The following KCNH8 variants were observed in gnomAD, a reference collection of about 807,000 sequenced individuals.
KCNH8 encodes the protein potassium voltage-gated channel subfamily H member 8, also known as voltage-gated delayed rectifier potassium channel KCNH8.
KCNH8 carries 70 observed loss-of-function variants against 103.6 expected under a neutral mutation model. The observed-to-expected ratio is 0.68, with a 90% CI of 0.56 to 0.82. KCNH8 has a LOEUF of 0.82. Among genes scored for constraint, KCNH8 ranks in the 40% least tolerant of loss-of-function variants. The pLI is 0.00. For synonymous variants in KCNH8, 498 were observed against 489.4 expected (o/e 1.02, Z -0.23); for missense variants, 1,217 against 1,329.9 (o/e 0.92, Z 1.32).
intron 11 of KCNH8, among the ~76,000 whole-genome samples, chr3:19,473,027 TA>T (rs1217202960): frequency 1.3e-5 from 2 of 152,220 alleles, no homozygotes; most frequent in African/African-American, 2.4e-5. Flanking sequence ...GAGTTCGGAT[TA>T]TTTTTTGGCT....
intron 11 of KCNH8, among the ~76,000 whole-genome samples, chr3:19,498,726 C>A (rs1285596881): frequency 2.6e-5 from 4 of 152,094 alleles, no homozygotes; most frequent in Admixed American, 6.6e-5. Context: ...TACTTTTGGT[C>A]TTTGATGATG....
intron 1 of KCNH8, among the ~76,000 whole-genome samples, chr3:19,228,277 G>C (rs111889198): frequency 2.0e-5 from 3 of 152,262 alleles, no homozygotes; most frequent in African/African-American, 7.2e-5. Context: ...TATGAATGTT[G>C]AGTATTTGTG....
At position 19,419,198 on chromosome 3, in the gene KCNH8, T is replaced by G. The variant is rs1370902111; in HGVS notation, c.1178-18966T>G. Among the ~76,000 whole-genome samples, 29 of 133,058 alleles carry G rather than the reference T, an allele frequency of 2.2e-4. 1 individual carries two copies. Among genetic ancestry groups the G allele is most frequent in the Non-Finnish European group, 9.5e-5 (6 of 63,208 alleles). The allele number at this position is 133,058 out of a possible 152,430, so 87.3% of individuals were successfully genotyped here. ...AGAAGTAATTAAAATGGTTTTGGTT[T>G]TTTTTTTTTTTTTTTTTTTGAGACG... On this transcript the variant is annotated intron_variant, in intron 7 of 15. Coordinates refer to ENST00000328405, the MANE Select transcript of KCNH8 (RefSeq NM_144633.3).
intron 14 of KCNH8, among the ~76,000 whole-genome samples, chr3:19,516,504 G>A (rs959626571): frequency 1.3e-5 from 2 of 152,012 alleles, no homozygotes; most frequent in Admixed American, 6.6e-5. Flanking sequence ...AAGGAGCAAA[G>A]AAATCATAGT....
At chr3:19,214,313 G>A (rs144199884) in intron 1 of KCNH8, among the ~76,000 whole-genome samples, 14 of 152,206 alleles carry the variant, frequency 9.2e-5, no homozygotes, top group South Asian at 4.2e-4. Context: ...ATCTTTATCC[G>A]GATTGGATCC....
At chr3:19,316,261 C>G (rs561618856) in intron 3 of KCNH8, among the ~76,000 whole-genome samples, 1 of 151,920 alleles carries the variant, frequency 6.6e-6, no homozygotes, top group South Asian at 2.1e-4. Flanking sequence ...TTTTTAGCAG[C>G]ATCCCTGTTC....
At chr3:19,226,724 G>T (rs1299565342) in intron 1 of KCNH8, among the ~76,000 whole-genome samples, 3 of 152,046 alleles carry the variant, frequency 2.0e-5, no homozygotes, top group Non-Finnish European at 4.4e-5. Context: ...GCTAAGCTCA[G>T]TTGGGTGCCA....
chr3:19,245,407 G>A (rs939057779), intron 1 of KCNH8, among the ~76,000 whole-genome samples: 2 of 152,086 alleles, frequency 1.3e-5, no homozygotes, highest in Non-Finnish European at 2.9e-5. Context: ...CTCTGGCTTT[G>A]TTCTTTATGC....
chr3:19,188,495 T>A (rs2063523253), intron 1 of KCNH8, among the ~76,000 whole-genome samples: 1 of 152,058 alleles, frequency 6.6e-6, no homozygotes, highest in African/African-American at 2.4e-5. Flanking sequence ...GGTGATTATG[T>A]CCAGAGGGCC....
At position 19,189,196 on chromosome 3, in the gene KCNH8, G is replaced by A. The variant is rs116189456; in HGVS notation, c.76+40401G>A. Among the ~76,000 whole-genome samples the A allele has an allele frequency of 4.9e-3, 740 of 152,006 alleles. 4 individuals are homozygous for A. Among genetic ancestry groups the A allele is most frequent in the African/African-American group, 0.017 (703 of 41,460 alleles). On this transcript the variant is annotated intron_variant, in intron 1 of 15. Coordinates refer to ENST00000328405, the MANE Select transcript of KCNH8 (RefSeq NM_144633.3). ...GGCCAGAAAGGTAGTTTAAAAGCTG[G>A]CCAGCAAAAATCTAATTGTTCTTGA... is the stretch of plus-strand genomic sequence containing the variant.
chr3:19,255,319 A>C (rs1476567788), intron 2 of KCNH8, among the ~76,000 whole-genome samples: 1 of 152,288 alleles, frequency 6.6e-6, no homozygotes, highest in East Asian at 1.9e-4. Context: ...TAAGCAAACT[A>C]ATACGCATAT....
At chr3:19,387,565 C>T (rs954368994) in intron 5 of KCNH8, among the ~76,000 whole-genome samples, 2 of 152,002 alleles carry the variant, frequency 1.3e-5, no homozygotes, top group African/African-American at 2.4e-5. Context: ...AGTAGTTGTT[C>T]GCTTTGAAAT....
chr3:19,156,327 GATTTTTCTACTATATC>G (rs2063180854), intron 1 of KCNH8, among the ~76,000 whole-genome samples: 1 of 152,118 alleles, frequency 6.6e-6, no homozygotes, highest in Admixed American at 6.6e-5. Context: ...ATTAGCCTGT[GATTTTTCTACTATATC>G]ATACTGCCTC....
intron 3 of KCNH8, among the ~76,000 whole-genome samples, chr3:19,287,350 T>A (rs973850702): frequency 5.3e-5 from 8 of 152,088 alleles, no homozygotes; most frequent in Admixed American, 5.2e-4. Flanking sequence ...GTTTTTTAAT[T>A]GAAAGATTAC....
chr3:19,353,181 C>A (rs1559488631), intron 5 of KCNH8, among the ~76,000 whole-genome samples: 2 of 151,994 alleles, frequency 1.3e-5, no homozygotes, highest in African/African-American at 4.8e-5. Flanking sequence ...AAGGCTAAAC[C>A]AGGAAGAAGT....
At chr3:19,199,758 A>T (rs2063638384) in intron 1 of KCNH8, among the ~76,000 whole-genome samples, 1 of 151,916 alleles carries the variant, frequency 6.6e-6, no homozygotes, top group African/African-American at 2.4e-5. Context: ...TAAAATATGT[A>T]AATCACTGAG....
intron 7 of KCNH8, among the ~76,000 whole-genome samples, chr3:19,437,482 TATC>T (rs2067217095): frequency 6.6e-6 from 1 of 152,200 alleles, no homozygotes; most frequent in East Asian, 1.9e-4. Context: ...ATATACATAG[TATC>T]ATAAAACAGT....
rs571539575 is a variant in KCNH8 at position 19,505,538 on chromosome 3, C to A, written c.2041-4825C>A. 3.0e-4 allele frequency among the ~76,000 whole-genome samples: 46 copies of A among 152,230 alleles called. 3 individuals carry two copies. The South Asian group carries it at 9.3e-3, about 31-fold the overall frequency. On this transcript the variant is annotated intron_variant, in intron 11 of 15. Transcript: ENST00000328405. ...TTTCTACTGAAAGGTCTGCTGTTAA[C>A]CTCATGGGGTTCCCTTTGTAGGTGA...
chr3:19,161,647 G>A (rs559928241), intron 1 of KCNH8, among the ~76,000 whole-genome samples: 1 of 152,160 alleles, frequency 6.6e-6, no homozygotes, highest in Non-Finnish European at 1.5e-5. Context: ...AAATGTTGTT[G>A]TAAATTCAGT....
Sources: gnomAD v4.1 joint callset for allele counts (sites outside exome capture counted in the v4.1 genomes callset) on GRCh38, gnomAD v4.1.1 for gene constraint, MANE v1.5 for transcripts, NCBI Gene and HGNC (gene_info 2026-07-23, HGNC 2026-07-21) for gene names.